The following TRIM24 variants were observed in gnomAD, a reference collection of about 807,000 sequenced individuals.
TRIM24 encodes the protein tripartite motif containing 24.
A neutral mutation model predicts 123.9 loss-of-function variants in TRIM24; 29 were observed. The observed-to-expected ratio is 0.23, with a 90% CI of 0.17 to 0.32. TRIM24 has a LOEUF of 0.32. Ranked by LOEUF, TRIM24 falls within the 10% of genes least tolerant of loss-of-function variation. TRIM24 has a pLI of 1.00. For synonymous variants in TRIM24, 456 were observed against 461.1 expected, an observed-to-expected ratio of 0.99 and a Z score of 0.14; for missense variants, 932 against 1,295.3, an observed-to-expected ratio of 0.72 and a Z score of 4.31.
intron 3 of TRIM24, among the ~76,000 whole-genome samples, chr7:138,517,411 C>T (rs969119069): frequency 6.6e-6 from 1 of 150,736 alleles, no homozygotes; most frequent in African/African-American, 2.5e-5. Context: ...CACTCCATGA[C>T]CCAGACTGGA....
chr7:138,527,904 C>T (rs1053155343), intron 5 of TRIM24, among the ~76,000 whole-genome samples: 1 of 151,486 alleles, frequency 6.6e-6, no homozygotes, highest in Non-Finnish European at 1.5e-5. Flanking sequence ...AGAACAAAGG[C>T]TGGGCCTAGA....
intron 12 of TRIM24, among the ~76,000 whole-genome samples, chr7:138,575,067 TAG>T (rs1214015315): frequency 6.6e-6 from 1 of 152,188 alleles, no homozygotes; most frequent in Non-Finnish European, 1.5e-5. Context: ...AATGCTTATG[TAG>T]AGTTTTTAAT....
intron 1 of TRIM24, among the ~76,000 whole-genome samples, chr7:138,499,092 T>A (rs1258399360): frequency 2.0e-5 from 3 of 151,502 alleles, no homozygotes; most frequent in African/African-American, 4.8e-5. Context: ...TTTTTTTTAA[T>A]TTTTTTTTAG....
intron 15 of TRIM24, among the ~76,000 whole-genome samples, chr7:138,579,884 C>G (rs1797855715): frequency 6.6e-6 from 1 of 152,124 alleles, no homozygotes; most frequent in Non-Finnish European, 1.5e-5. Context: ...GCTTGCACCA[C>G]TGCACCCCAG....
intron 4 of TRIM24, among the ~76,000 whole-genome samples, chr7:138,524,155 A>G (rs1183286150): frequency 1.3e-5 from 2 of 152,236 alleles, no homozygotes; most frequent in East Asian, 3.8e-4. Context: ...GAAGCAGTAG[A>G]AACATTCCAT....
intron 1 of TRIM24, among the ~76,000 whole-genome samples, chr7:138,475,503 C>T (rs987801924): frequency 3.3e-5 from 5 of 152,156 alleles, no homozygotes; most frequent in African/African-American, 1.2e-4. Context: ...ATAGCAAAAT[C>T]CAACTCTGTG....
intron 12 of TRIM24, among the ~76,000 whole-genome samples, chr7:138,573,956 C>CA (rs1797707532): frequency 6.6e-6 from 1 of 152,128 alleles, no homozygotes; most frequent in African/African-American, 2.4e-5. Context: ...GCTGCTCTAC[C>CA]AAACGTGGCT....
intron 1 of TRIM24, among the ~76,000 whole-genome samples, chr7:138,497,997 G>A (rs1167764373): frequency 1.3e-5 from 2 of 151,678 alleles, no homozygotes; most frequent in African/African-American, 4.8e-5. Flanking sequence ...CTGACCCTGT[G>A]TGGTTTTTTT....
chr7:138,512,100 C>T (rs1796299873), intron 2 of TRIM24, among the ~76,000 whole-genome samples: 1 of 152,262 alleles, frequency 6.6e-6, no homozygotes, highest in East Asian at 1.9e-4. Context: ...CAAAATAATC[C>T]CCTTTGACTT....
At chr7:138,525,400 A>C (rs1261890990) in intron 5 of TRIM24, 43 bp downstream of exon 5, 1 of 1,137,454 alleles carries the variant, frequency 8.8e-7, no homozygotes, top group Non-Finnish European at 1.2e-6. Flanking sequence ...ATAATTTGTT[A>C]AGTATATTCA....
chr7:138,474,083 A>G (rs1351270635), intron 1 of TRIM24, among the ~76,000 whole-genome samples: 2 of 144,554 alleles, frequency 1.4e-5, no homozygotes, highest in African/African-American at 5.1e-5. Context: ...GCACTTTTTT[A>G]TTTCCTGGCA....
chr7:138,491,952 T>G (rs1354068955), intron 1 of TRIM24, among the ~76,000 whole-genome samples: 1 of 92,658 alleles, frequency 1.1e-5, no homozygotes, highest in African/African-American at 3.3e-5. Flanking sequence ...TTGGTTGCTG[T>G]TTTTTTTTTG....
intron 1 of TRIM24, among the ~76,000 whole-genome samples, chr7:138,478,796 G>A (rs1411755222): frequency 6.6e-6 from 1 of 152,142 alleles, no homozygotes; most frequent in East Asian, 1.9e-4. Context: ...AGGCTAGTTG[G>A]CAGTTTCTGA....
chr7:138,501,656 G>A (rs1024402408), intron 1 of TRIM24, among the ~76,000 whole-genome samples: 1 of 152,096 alleles, frequency 6.6e-6, no homozygotes, highest in Non-Finnish European at 1.5e-5. Flanking sequence ...GGGAGGCTGA[G>A]GTGGACAGAT....
At chr7:138,501,456 C>A (rs1232291672) in intron 1 of TRIM24, among the ~76,000 whole-genome samples, 2 of 152,142 alleles carry the variant, frequency 1.3e-5, no homozygotes, top group East Asian at 3.9e-4. Context: ...GTCTTGAACT[C>A]CTGACCTCAA....
intron 2 of TRIM24, chr7:138,514,349 G>C (rs1449817278): frequency 1.3e-5 from 2 of 152,206 alleles, no homozygotes; most frequent in East Asian, 3.9e-4. Context: ...ATGCAAATCT[G>C]GCCGTGTCAC....
intron 9 of TRIM24, among the ~76,000 whole-genome samples, chr7:138,562,175 T>C (rs1358225182): frequency 2.0e-5 from 3 of 152,154 alleles, no homozygotes; most frequent in Admixed American, 1.3e-4. Context: ...ATCTATATAT[T>C]GCAGCAAGGT....
At chr7:138,515,503 T>G in intron 3 of TRIM24, 144 bp downstream of exon 3, 1 of 1,016,506 alleles carries the variant, frequency 9.8e-7, no homozygotes, top group Non-Finnish European at 1.4e-6. Flanking sequence ...TATCGAAATT[T>G]AAGTACTTAC....
chr7:138,586,897 A>G lies in TRIM24; in HGVS notation c.*1946A>G, dbSNP rs1268462492. 2 of 152,248 alleles carry G rather than the reference A, an allele frequency of 1.3e-5. No homozygotes were observed. The highest frequency in any genetic ancestry group is 1.9e-4 in the East Asian group (1 of 5,208). 9.4% of individuals were successfully genotyped at this position (152,248 alleles called of 1,614,324 possible). On this transcript the variant is annotated 3_prime_UTR_variant, in exon 19 of 19. Transcript: ENST00000343526. ...AGTTAGAACTTGTGAGACTAAAACT[A>G]TAATTTCCTAAATGTGACTAATGAA...
Sources: gnomAD v4.1 joint callset for allele counts (sites outside exome capture counted in the v4.1 genomes callset) on GRCh38, gnomAD v4.1.1 for gene constraint, MANE v1.5 for transcripts, NCBI Gene and HGNC (gene_info 2026-07-23, HGNC 2026-07-21) for gene names.